TRIP12: variants seen among roughly 807,000 people sequenced by gnomAD.
TRIP12 encodes the protein E3 ubiquitin-protein ligase TRIP12.
Under a neutral mutation model 244.2 loss-of-function variants are expected in TRIP12, and 25 were observed. The ratio of observed to expected loss-of-function variants is 0.10; its 90% CI spans 0.07 to 0.14. The LOEUF (loss-of-function observed/expected upper bound fraction) is 0.14, where lower values mean the gene tolerates loss of function less well. Ranked by LOEUF, TRIP12 falls within the 10% of genes least tolerant of loss-of-function variation. TRIP12 has a pLI of 1.00. For synonymous variants in TRIP12, 905 were observed against 873.1 expected (o/e 1.04, Z -0.64); for missense variants, 1,677 against 2,486.4 (o/e 0.67, Z 6.92).
In TRIP12 at chr2:229,836,801, C is replaced by A. The variant is rs1477744310; in HGVS notation, c.1270+47G>T. On this transcript the variant is annotated intron_variant, in intron 6 of 41. Transcript: ENST00000675903. ...ACTTCCCTCCCTCTGCCCATCAAATCTGTAAAAGACAGAAACGCATTTTAA... is the reference window on the plus strand; with the variant it reads ...ACTTCCCTCCCTCTGCCCATCAAATATGTAAAAGACAGAAACGCATTTTAA... 1.2e-5 allele frequency: 19 copies of A among 1,559,016 alleles called. No individual in the cohort carries two copies. The East Asian group carries it at 4.8e-4, about 39-fold the overall frequency.
intron 1 of TRIP12, among the ~76,000 whole-genome samples, chr2:229,900,451 A>G (rs950303106): frequency 1.3e-5 from 2 of 152,242 alleles, no homozygotes; most frequent in South Asian, 4.1e-4. Flanking sequence ...AGAAATCCAA[A>G]TAACAGTTTC....
chr2:229,896,881 C>G (rs1489892293), intron 1 of TRIP12, among the ~76,000 whole-genome samples: 1 of 152,162 alleles, frequency 6.6e-6, no homozygotes, highest in Non-Finnish European at 1.5e-5. Context: ...GTAAAAATTA[C>G]AGTTTATAAT....
intron 34 of TRIP12, among the ~76,000 whole-genome samples, chr2:229,783,612 GA>G (rs1559370311): frequency 6.6e-6 from 1 of 152,000 alleles, no homozygotes; most frequent in Non-Finnish European, 1.5e-5. Context: ...TGTAAATAAT[GA>G]AAAATTAAAG....
At chr2:229,843,476 C>T (rs2056943639) in intron 4 of TRIP12, among the ~76,000 whole-genome samples, 1 of 152,148 alleles carries the variant, frequency 6.6e-6, no homozygotes, top group Admixed American at 6.5e-5. Context: ...CCTGTAATCC[C>T]AGCACTTTGG....
rs770841021 is a variant in TRIP12 at position 229,799,381 on chromosome 2, C to T, written c.3209G>A (p.Arg1070Gln). The T allele has an allele frequency of 1.1e-5, 17 of 1,610,410 alleles. No homozygotes were observed. The highest frequency in any genetic ancestry group is 1.3e-5 in the African/African-American group (1 of 74,714). ...TTTTCTCTTTAGAACATCACTTAAT[C>T]GACTGTCCATGGGAAAATATGAGAT... ...DDSLDLSPQGRLSDVLKRKRL... is the reference protein window; with the variant it reads ...DDSLDLSPQGQLSDVLKRKRL... Residue 1070 changes from arginine to glutamine, a missense_variant and splice_region_variant, in exon 22 of 42, where the codon CGA becomes CAA. This residue lies in a region of TRIP12 where 572 missense variants were observed against 867.8 expected (regional missense o/e 0.66). Coordinates refer to ENST00000675903, the MANE Select transcript of TRIP12 (RefSeq NM_001348323.3).
intron 1 of TRIP12, among the ~76,000 whole-genome samples, chr2:229,907,958 A>C (rs1220243830): frequency 1.3e-5 from 2 of 151,988 alleles, no homozygotes; most frequent in Non-Finnish European, 2.9e-5. Context: ...TACAGATGGG[A>C]GAACTAGTGT....
At position 229,777,375 on chromosome 2, in the gene TRIP12, T is replaced by G. The variant is rs1161477071; in HGVS notation, c.5469A>C (p.Ser1823=). 5.6e-6 allele frequency: 9 copies of G among 1,613,914 alleles called. No individual in the cohort carries two copies. Among genetic ancestry groups the G allele is most frequent in the African/African-American group, 1.3e-5 (1 of 74,930 alleles). The part of the protein sequence containing the change: ...LFDIDPVVAR[S]VYHLEDIVRQ... ...TGACAATGTCTTCTAGGTGATAAAC[T>G]GATCTGGCTACAACTGGGTCGATGT... The change falls in exon 37 of 42, where the codon TCA becomes TCC. Residue 1823 remains serine, a synonymous_variant. Coordinates refer to ENST00000675903, the MANE Select transcript of TRIP12 (RefSeq NM_001348323.3).
chr2:229,857,146 A>AGACAATG (rs2059729735), intron 4 of TRIP12, among the ~76,000 whole-genome samples: 6 of 152,226 alleles, frequency 3.9e-5, no homozygotes, highest in African/African-American at 1.4e-4. Flanking sequence ...GCTAGTAGAC[A>AGACAATG]CTATATACAA....
intron 29 of TRIP12, among the ~76,000 whole-genome samples, chr2:229,791,504 C>T (rs1335349128): frequency 6.6e-6 from 1 of 152,220 alleles, no homozygotes; most frequent in Non-Finnish European, 1.5e-5. Context: ...AGCAGACACT[C>T]ACAGACAATG....
chr2:229,877,626 C>T (rs1374894544), intron 2 of TRIP12, among the ~76,000 whole-genome samples: 1 of 152,120 alleles, frequency 6.6e-6, no homozygotes, highest in Non-Finnish European at 1.5e-5. Context: ...AGAAGCAATG[C>T]GCTGTTGATA....
intron 1 of TRIP12, among the ~76,000 whole-genome samples, chr2:229,902,994 G>GT (rs1266333400): frequency 1.6e-4 from 15 of 95,538 alleles, no homozygotes; most frequent in Admixed American, 3.6e-4. Context: ...CTGTGTGCGG[G>GT]TTTTTTTTTC....
rs1399161168 is a variant in TRIP12, at chr2:229,855,446, T to C, written c.1027+3326A>G. Among the ~76,000 whole-genome samples, 7 of 152,002 alleles carry C rather than the reference T, an allele frequency of 4.6e-5. 1 individual carries two copies. The highest frequency in any genetic ancestry group is 7.4e-5 in the Non-Finnish European group (5 of 67,984). On this transcript the variant is annotated intron_variant, in intron 4 of 41. Coordinates refer to ENST00000675903, the MANE Select transcript of TRIP12 (RefSeq NM_001348323.3). Reference sequence around the variant, plus strand: ...AAAACAGCAAATATATGGTGAATGATATGGTATGAATCCTTGGGTCCACAT... The same window carrying C: ...AAAACAGCAAATATATGGTGAATGACATGGTATGAATCCTTGGGTCCACAT...
At chr2:229,880,347 G>A (rs866168067) in intron 1 of TRIP12, among the ~76,000 whole-genome samples, 5 of 152,082 alleles carry the variant, frequency 3.3e-5, no homozygotes, top group African/African-American at 7.2e-5. Context: ...ATGTGGTCCC[G>A]GACTCAGTAT....
At chr2:229,816,313 C>CAT in intron 9 of TRIP12, among the ~76,000 whole-genome samples, 1 of 143,736 alleles carries the variant, frequency 7.0e-6, no homozygotes, top group Non-Finnish European at 1.5e-5. Context: ...ACACACACTC[C>CAT]ATTTCAGGAC....
chr2:229,869,279 A>G (rs1398097936), intron 2 of TRIP12, among the ~76,000 whole-genome samples: 2 of 152,224 alleles, frequency 1.3e-5, no homozygotes, highest in African/African-American at 2.4e-5. Flanking sequence ...CTGTGCCCAG[A>G]AATTCCAAGG....
chr2:229,797,628 GAGT>G, intron 24 of TRIP12, 59 bp downstream of exon 24: 2 of 1,586,200 alleles, frequency 1.3e-6, no homozygotes, highest in South Asian at 2.3e-5. Flanking sequence ...TGAAGGAAAA[GAGT>G]AGCAGGAGAT....
chr2:229,899,665 T>C (rs2070037924), intron 1 of TRIP12, among the ~76,000 whole-genome samples: 1 of 152,132 alleles, frequency 6.6e-6, no homozygotes. Context: ...ACCCGAGCCC[T>C]AGGGGTGGCA....
chr2:229,860,180 C>T (rs900382268), intron 3 of TRIP12, among the ~76,000 whole-genome samples: 5 of 152,078 alleles, frequency 3.3e-5, no homozygotes, highest in African/African-American at 1.2e-4. Context: ...GGGAATCTTA[C>T]GGCTCTCCAA....
At position 229,833,776 on chromosome 2, in the gene TRIP12, T is replaced by C. The variant is rs1384484857; in HGVS notation, c.1271-2937A>G. On this transcript the variant is annotated intron_variant, in intron 6 of 41. Coordinates refer to ENST00000675903, the MANE Select transcript of TRIP12 (RefSeq NM_001348323.3). Reference sequence around the variant, plus strand: ...GTTATCTAATTTTGTAAAACATATATAAAAACTATTTTTGTATATGTTTTA... The same window carrying C: ...GTTATCTAATTTTGTAAAACATATACAAAAACTATTTTTGTATATGTTTTA... Among the ~76,000 whole-genome samples, 6 of 151,850 alleles carry C rather than the reference T, an allele frequency of 4.0e-5. No homozygotes were observed. The East Asian group carries it at 5.8e-4, about 15-fold the overall frequency.
Sources: gnomAD v4.1 joint callset for allele counts (sites outside exome capture counted in the v4.1 genomes callset) on GRCh38, gnomAD v4.1.1 for gene constraint, gnomAD v4.1.1 regional missense constraint, MANE v1.5 for transcripts, NCBI Gene and HGNC (gene_info 2026-07-23, HGNC 2026-07-21) for gene names.